The following JAKMIP3 variants were observed in gnomAD, a reference collection of about 807,000 sequenced individuals.
JAKMIP3 encodes Janus kinase and microtubule interacting protein 3.
A neutral mutation model predicts 118.5 loss-of-function variants in JAKMIP3; 58 were observed. The ratio of observed to expected loss-of-function variants is 0.49; its 90% CI spans 0.40 to 0.61. The LOEUF is 0.61. Ranked by LOEUF, JAKMIP3 falls within the 20% of genes least tolerant of loss-of-function variation. The probability of loss-of-function intolerance (pLI) is 0.00; values close to 1 mark genes in which losing one functional copy is unlikely to be tolerated. For synonymous variants in JAKMIP3, 486 were observed against 451.2 expected (o/e 1.08, Z -0.98); for missense variants, 950 against 1,109.0 (o/e 0.86, Z 2.04).
At chr10:132,086,446 G>A (rs767664582) in intron 1 of JAKMIP3, among the ~76,000 whole-genome samples, 9 of 152,084 alleles carry the variant, frequency 5.9e-5, no homozygotes, top group East Asian at 1.9e-4. Context: ...GTCTAGTGCC[G>A]TCAGTGGAGT....
At chr10:132,160,535 C>A (rs868654043) in intron 19 of JAKMIP3, among the ~76,000 whole-genome samples, 42 of 11,614 alleles carry the variant, frequency 3.6e-3, no homozygotes, top group Admixed American at 5.1e-3. Context: ...GGGGCCTCTC[C>A]CTGTGTGATG....
chr10:132,123,086 C>A (rs539167840), intron 3 of JAKMIP3, among the ~76,000 whole-genome samples: 1 of 152,324 alleles, frequency 6.6e-6, no homozygotes, highest in South Asian at 2.1e-4. Flanking sequence ...GGGCTCCCAG[C>A]GGCTTTCTTG....
At chr10:132,103,406 G>A (rs1180800433) in intron 1 of JAKMIP3, among the ~76,000 whole-genome samples, 2 of 138,532 alleles carry the variant, frequency 1.4e-5, no homozygotes, top group African/African-American at 2.9e-5. Context: ...GAGCACCTGG[G>A]GGAGAGGAGC....
At position 132,117,061 on chromosome 10, in the gene JAKMIP3, C is replaced by T. The variant is rs931666152; in HGVS notation, c.136-16C>T. Reference sequence around the variant, plus strand: ...CTGGAGCTCCTGCCACACTCAGTCTCGCTGTTGTCTTTCAGGTCAGCAAAG... The same window carrying T: ...CTGGAGCTCCTGCCACACTCAGTCTTGCTGTTGTCTTTCAGGTCAGCAAAG... On this transcript the variant is annotated splice_polypyrimidine_tract_variant and intron_variant, in intron 2 of 23. Coordinates refer to ENST00000684848, the MANE Select transcript of JAKMIP3 (RefSeq NM_001323087.2). The surrounding 1 kb of genome is among the most constrained non-coding windows in gnomAD (Gnocchi z 8.6). 6 of 1,593,622 alleles carry T rather than the reference C, an allele frequency of 3.8e-6. No homozygotes were observed. Among genetic ancestry groups the T allele is most frequent in the East Asian group, 2.2e-5 (1 of 44,536 alleles).
chr10:132,059,289 G>C (rs1418726616), intron 1 of JAKMIP3, among the ~76,000 whole-genome samples: 2 of 152,246 alleles, frequency 1.3e-5, no homozygotes, highest in African/African-American at 4.8e-5. Context: ...GCTTTGGGAG[G>C]CTGGACCCTG....
At chr10:132,171,195 C>A (rs370374652) in intron 23 of JAKMIP3, among the ~76,000 whole-genome samples, 3 of 152,240 alleles carry the variant, frequency 2.0e-5, no homozygotes, top group Non-Finnish European at 4.4e-5. Flanking sequence ...TGAAGCGAGG[C>A]GGCTGTCATC....
Position 132,117,304 on chromosome 10 carries a change from T to A in JAKMIP3, c.363T>A (p.Ser121Arg), listed in dbSNP as rs1236086724. ...NENQRLQALL[S>R]ALRDGGPEKV... ...ACCAGCGGCTGCAGGCACTGCTCAGTGCCCTGCGTGATGGCGGCCCCGAAA... is the reference window on the plus strand; with the variant it reads ...ACCAGCGGCTGCAGGCACTGCTCAGAGCCCTGCGTGATGGCGGCCCCGAAA... Residue 121 changes from serine to arginine, a missense_variant, in exon 3 of 24, where the codon AGT (serine) becomes AGA (arginine). Transcript: ENST00000684848. This position sits in a 1 kb window ranked among gnomAD's most constrained non-coding sequence, Gnocchi z 8.6. 6.2e-7 allele frequency: 1 copy of A among 1,613,918 alleles called. No individual in the cohort carries two copies. The highest frequency in any genetic ancestry group is 1.1e-5 in the South Asian group (1 of 91,076).
intron 1 of JAKMIP3, among the ~76,000 whole-genome samples, chr10:132,045,851 T>C (rs2037893267): frequency 6.6e-6 from 1 of 151,148 alleles, no homozygotes; most frequent in Non-Finnish European, 1.5e-5. Context: ...GGAGGATCAC[T>C]TGAGCCAGGG....
Position 132,117,806 on chromosome 10 carries a change from C to T in JAKMIP3, c.633+232C>T, listed in dbSNP as rs543829914. 5.9e-5 allele frequency among the ~76,000 whole-genome samples: 9 copies of T among 152,144 alleles called. No homozygotes were observed. Among genetic ancestry groups the T allele is most frequent in the South Asian group, 4.1e-4 (2 of 4,834 alleles). On this transcript the variant is annotated intron_variant, in intron 3 of 23. Coordinates refer to ENST00000684848, the MANE Select transcript of JAKMIP3 (RefSeq NM_001323087.2). The surrounding 1 kb of genome is among the most constrained non-coding windows in gnomAD (Gnocchi z 8.6). ...AAAGGTTCAGACCCACAGTCAGGCC[C>T]GCACGGGGCAGGCCAGACTCTCACC...
intron 1 of JAKMIP3, among the ~76,000 whole-genome samples, chr10:132,072,604 C>T (rs908704245): frequency 2.0e-5 from 3 of 152,144 alleles, no homozygotes; most frequent in Non-Finnish European, 2.9e-5. Flanking sequence ...AGCCCATTTA[C>T]ATTTAATATT....
intron 1 of JAKMIP3, among the ~76,000 whole-genome samples, chr10:132,082,693 C>T (rs1182722390): frequency 6.6e-6 from 1 of 152,064 alleles, no homozygotes; most frequent in South Asian, 2.1e-4. Context: ...TCACTGCAAC[C>T]TCCGCCTCCC....
chr10:132,106,463 C>G (rs2379227), intron 2 of JAKMIP3, among the ~76,000 whole-genome samples: 1 of 152,212 alleles, frequency 6.6e-6, no homozygotes, highest in Non-Finnish European at 1.5e-5. Context: ...GTTCCTCCCC[C>G]TCCTGCCATG....
intron 2 of JAKMIP3, among the ~76,000 whole-genome samples, chr10:132,108,319 T>C (rs1201818781): frequency 6.6e-6 from 1 of 151,906 alleles, no homozygotes. Flanking sequence ...CCACACCAGC[T>C]CCTCTGGCCA....
At chr10:132,113,512 C>T (rs189373691) in intron 2 of JAKMIP3, among the ~76,000 whole-genome samples, 6 of 152,322 alleles carry the variant, frequency 3.9e-5, no homozygotes, top group Admixed American at 2.0e-4. Context: ...CTGCTAAGGA[C>T]GTTAGGTTGT....
At chr10:132,122,088 G>A (rs931874350) in intron 3 of JAKMIP3, among the ~76,000 whole-genome samples, 1 of 152,206 alleles carries the variant, frequency 6.6e-6, no homozygotes, top group Non-Finnish European at 1.5e-5. Context: ...ATAAATTTTT[G>A]TTGAATGGAT....
chr10:132,130,128 C>T (rs1353969563), intron 3 of JAKMIP3, among the ~76,000 whole-genome samples: 2 of 152,162 alleles, frequency 1.3e-5, no homozygotes, highest in African/African-American at 4.8e-5. Context: ...TCTCCTACCC[C>T]ACCAGAGGCT....
At chr10:132,158,091 G>A (rs4880239) in intron 19 of JAKMIP3, among the ~76,000 whole-genome samples, 51,883 of 95,398 alleles carry the variant, frequency 0.54, 11,610 homozygotes, top group Non-Finnish European at 0.62. Context: ...GCCCCGCCCC[G>A]CCCCGCCCCG....
rs10568086 is a variant in JAKMIP3, at chr10:132,078,619, C to CG, written c.-138+12573dup. The stretch of plus-strand genomic sequence containing the variant: ...TGAGCCCAGGGACCTTCTCTGGGGG[C>CG]GGGGGGGGGGGGGGGTCCCGTTTCT... On this transcript the variant is annotated intron_variant, in intron 1 of 23. Transcript: ENST00000684848. Among the ~76,000 whole-genome samples, 154 of 133,812 alleles carry CG rather than the reference C, an allele frequency of 1.2e-3. 3 individuals are homozygous for CG. Among genetic ancestry groups the CG allele is most frequent in the Middle Eastern group, 4.0e-3 (1 of 250 alleles). The allele number at this position is 133,812 out of a possible 152,430, so 87.8% of individuals were successfully genotyped here. A position where few individuals can be genotyped will look rare whatever the true frequency, so the allele number is the denominator to read the frequency against.
chr10:132,046,511 TCTCA>T lies in JAKMIP3; in HGVS notation c.-138+9774_-138+9777del, dbSNP rs1427840688. Reference sequence around the variant, plus strand: ...GTCCACTTTGCACCTGGCTTTCTGTTCTCAGCATCGCGTCTTGGGTCTTCCATTT... The same window carrying T: ...GTCCACTTTGCACCTGGCTTTCTGTTGCATCGCGTCTTGGGTCTTCCATTT... On this transcript the variant is annotated intron_variant, in intron 1 of 23. Transcript: ENST00000657785. Among the ~76,000 whole-genome samples the T allele has an allele frequency of 1.2e-4, 18 of 152,104 alleles. 1 individual carries two copies. The highest frequency in any genetic ancestry group is 1.0e-3 in the South Asian group (5 of 4,814).
Sources: allele counts gnomAD v4.1 joint callset (sites outside exome capture counted in the v4.1 genomes callset), GRCh38; gene constraint gnomAD v4.1.1; non-coding constraint Gnocchi (gnomAD v3.1); transcripts MANE v1.5; gene names NCBI Gene and HGNC (gene_info 2026-07-23, HGNC 2026-07-21).